Variants in NPAS3 observed in about 807,000 individuals in gnomAD.
NPAS3 encodes neuronal PAS domain protein 3.
In NPAS3, 14 loss-of-function variants were observed where a neutral mutation model predicts 73.1. That is an observed-to-expected ratio of 0.19 (90% CI 0.13 to 0.30). The LOEUF is 0.30. NPAS3 is among the 10% of genes least tolerant of loss of function. The pLI is 1.00. For missense variants in NPAS3, 1,096 were observed against 1,250.0 expected (o/e 0.88, Z 1.86); for synonymous variants, 620 against 541.5 (o/e 1.14, Z -2.01).
At chr14:33,503,652 T>G (rs1595045146) in intron 4 of NPAS3, among the ~76,000 whole-genome samples, 1 of 151,864 alleles carries the variant, frequency 6.6e-6, no homozygotes, top group South Asian at 2.1e-4. Context: ...TCATTAAAAA[T>G]GTAATTCATT....
intron 4 of NPAS3, among the ~76,000 whole-genome samples, chr14:33,371,918 A>ATT (rs1479811958): frequency 6.6e-6 from 1 of 152,142 alleles, no homozygotes; most frequent in Non-Finnish European, 1.5e-5. Flanking sequence ...GTCAACTAAG[A>ATT]TTTTAAAAAC....
intron 3 of NPAS3, among the ~76,000 whole-genome samples, chr14:33,365,016 A>T (rs190757091): frequency 3.5e-5 from 5 of 142,300 alleles, no homozygotes; most frequent in African/African-American, 1.3e-4. Flanking sequence ...GGGAGGGGGG[A>T]GGGGACGTGC....
At chr14:32,968,275 G>T (rs988232747) in intron 1 of NPAS3, among the ~76,000 whole-genome samples, 1 of 152,114 alleles carries the variant, frequency 6.6e-6, no homozygotes, top group Non-Finnish European at 1.5e-5. Flanking sequence ...TGAGGTCATG[G>T]ATATGCTAAT....
chr14:33,398,498 T>A (rs1304655242), intron 4 of NPAS3, among the ~76,000 whole-genome samples: 1 of 152,054 alleles, frequency 6.6e-6, no homozygotes, highest in African/African-American at 2.4e-5. Flanking sequence ...TAACTTTTTC[T>A]TAGTAATATG....
At position 33,590,603 on chromosome 14, in the gene NPAS3, G is replaced by A. The variant is rs116368842; in HGVS notation, c.558+30393G>A. The stretch of plus-strand genomic sequence containing the variant: ...AGGAACCAGCTATTAATATTTTGCA[G>A]CAATAATGAGCTTATTATAAGTTTA... On this transcript the variant is annotated intron_variant, in intron 5 of 11. Coordinates refer to ENST00000356141, the Ensembl canonical transcript of NPAS3. 6.4e-3 allele frequency among the ~76,000 whole-genome samples: 980 copies of A among 152,240 alleles called. 10 individuals are homozygous for A. The highest frequency in any genetic ancestry group is 0.022 in the African/African-American group (923 of 41,546).
intron 2 of NPAS3, among the ~76,000 whole-genome samples, chr14:33,198,579 G>C (rs1167851443): frequency 6.6e-6 from 1 of 152,202 alleles, no homozygotes; most frequent in Non-Finnish European, 1.5e-5. Flanking sequence ...TACAAACCTT[G>C]AGCTAGACAT....
At chr14:33,228,181 A>G (rs12892484) in intron 3 of NPAS3, among the ~76,000 whole-genome samples, 6 of 152,352 alleles carry the variant, frequency 3.9e-5, no homozygotes, top group Admixed American at 3.9e-4. Flanking sequence ...TTAAAATGAT[A>G]TTAATCAGAA....
intron 4 of NPAS3, among the ~76,000 whole-genome samples, chr14:33,387,834 T>C (rs1329680577): frequency 1.3e-5 from 2 of 151,962 alleles, no homozygotes; most frequent in African/African-American, 2.4e-5. Flanking sequence ...TACAATTAGA[T>C]GCTGCAAATA....
intron 6 of NPAS3, among the ~76,000 whole-genome samples, chr14:33,718,271 A>G (rs6571610): frequency 0.7 from 105,926 of 151,674 alleles, 37,951 homozygotes; most frequent in Admixed American, 0.8. Context: ...TCATCCCTTA[A>G]TCCTTTGTCT....
intron 5 of NPAS3, among the ~76,000 whole-genome samples, chr14:33,593,179 C>G (rs1033366591): frequency 9.2e-5 from 14 of 152,076 alleles, no homozygotes; most frequent in Non-Finnish European, 1.9e-4. Flanking sequence ...AGATACTTAA[C>G]ATATATTATT....
intron 3 of NPAS3, among the ~76,000 whole-genome samples, chr14:33,238,355 C>A (rs1345415671): frequency 6.6e-6 from 1 of 151,966 alleles, no homozygotes; most frequent in Non-Finnish European, 1.5e-5. Flanking sequence ...GAAAGCATAT[C>A]CTTGTTCTTT....
chr14:33,799,603 A>T, intron 11 of NPAS3, 131 bp from the exon 12 acceptor site: 1 of 869,320 alleles, frequency 1.2e-6, no homozygotes, highest in Non-Finnish European at 1.8e-6. Flanking sequence ...GAAGCCCGTG[A>T]TGAGGACGGA....
intron 2 of NPAS3, among the ~76,000 whole-genome samples, chr14:33,127,515 G>A (rs895062781): frequency 5.3e-5 from 8 of 152,068 alleles, no homozygotes; most frequent in African/African-American, 1.9e-4. Context: ...GTCTCTACTT[G>A]TGTTACTTTG....
chr14:33,568,053 T>TA (rs1409248455), intron 5 of NPAS3, among the ~76,000 whole-genome samples: 1 of 152,164 alleles, frequency 6.6e-6, no homozygotes, highest in African/African-American at 2.4e-5. Flanking sequence ...TTTCTGGACT[T>TA]AAAGTGAGCA....
At chr14:33,425,354 TG>T (rs770452557) in intron 4 of NPAS3, among the ~76,000 whole-genome samples, 4 of 152,028 alleles carry the variant, frequency 2.6e-5, no homozygotes, top group Non-Finnish European at 5.9e-5. Flanking sequence ...TGTTTTTAGA[TG>T]GCCAGGAGTT....
intron 7 of NPAS3, among the ~76,000 whole-genome samples, chr14:33,766,483 C>T (rs1048387534): frequency 3.3e-5 from 5 of 152,148 alleles, no homozygotes; most frequent in Non-Finnish European, 5.9e-5. Flanking sequence ...CTGGTTTCTA[C>T]CAGCCTTCGT....
Position 33,680,221 on chromosome 14 carries a change from T to C in NPAS3, c.733+3836T>C, listed in dbSNP as rs533224787. Among the ~76,000 whole-genome samples, 27 of 152,336 alleles carry C rather than the reference T, an allele frequency of 1.8e-4. 2 individuals are homozygous for C. Among genetic ancestry groups the C allele is most frequent in the Admixed American group, 1.6e-3 (25 of 15,304 alleles). ...TCTTAAATTTCAGTGCCATGCCTTT[T>C]AAATGCTTAGTAAACAGAAAAGCAG... On this transcript the variant is annotated intron_variant, in intron 6 of 11. Transcript: ENST00000356141.
intron 6 of NPAS3, among the ~76,000 whole-genome samples, chr14:33,727,042 A>ATG (rs1443205720): frequency 3.3e-5 from 5 of 152,254 alleles, no homozygotes; most frequent in African/African-American, 9.6e-5. Flanking sequence ...GGCAGAATGC[A>ATG]TGTGTGTGTG....
intron 4 of NPAS3, among the ~76,000 whole-genome samples, chr14:33,399,104 T>C (rs2047343068): frequency 6.6e-6 from 1 of 152,122 alleles, no homozygotes. Context: ...CACCATAATG[T>C]GCTTTATTGG....
Sources: gnomAD v4.1 joint callset for allele counts (sites outside exome capture counted in the v4.1 genomes callset) on GRCh38, gnomAD v4.1.1 for gene constraint, MANE v1.5 for transcripts, NCBI Gene and HGNC (gene_info 2026-07-23, HGNC 2026-07-21) for gene names.